KDM2A: variants seen among roughly 807,000 people sequenced by gnomAD.
The protein encoded by KDM2A is lysine-specific demethylase 2A.
In KDM2A, 3 loss-of-function variants were observed where a neutral mutation model predicts 137.3. That is an observed-to-expected ratio of 0.02 (90% CI 0.01 to 0.06). The LOEUF is 0.06. Ranked by LOEUF, KDM2A falls within the 10% of genes least tolerant of loss-of-function variation. The pLI is 1.00. For synonymous variants in KDM2A, 512 were observed against 541.5 expected, an observed-to-expected ratio of 0.95 and a Z score of 0.76; for missense variants, 738 against 1,510.6, an observed-to-expected ratio of 0.49 and a Z score of 8.48.
intron 2 of KDM2A, among the ~76,000 whole-genome samples, chr11:67,170,079 C>G (rs1856845936): frequency 6.6e-6 from 1 of 151,940 alleles, no homozygotes; most frequent in Non-Finnish European, 1.5e-5. Flanking sequence ...TTTTAGAGGT[C>G]TATAATAAAT....
chr11:67,232,419 C>A (rs879671416), intron 12 of KDM2A, among the ~76,000 whole-genome samples: 3 of 152,198 alleles, frequency 2.0e-5, no homozygotes, highest in Non-Finnish European at 2.9e-5. Flanking sequence ...AGCATCAAGA[C>A]TTAAATACAT....
At chr11:67,193,687 G>A (rs879633686) in intron 5 of KDM2A, among the ~76,000 whole-genome samples, 3 of 151,772 alleles carry the variant, frequency 2.0e-5, no homozygotes, top group Admixed American at 6.6e-5. Context: ...ATGGCAAAAC[G>A]CCGTATCTAC....
chr11:67,129,775 G>C (rs1855810979), intron 2 of KDM2A, among the ~76,000 whole-genome samples: 1 of 149,596 alleles, frequency 6.7e-6, no homozygotes, highest in Non-Finnish European at 1.5e-5. Context: ...GCCGGGCATA[G>C]TGGCACATGC....
At chr11:67,142,791 G>A (rs963354051) in intron 2 of KDM2A, among the ~76,000 whole-genome samples, 1 of 151,844 alleles carries the variant, frequency 6.6e-6, no homozygotes, top group Admixed American at 6.6e-5. Flanking sequence ...ATTCCTAGAA[G>A]TACAGTAATT....
chr11:67,183,775 G>T (rs556791944), intron 5 of KDM2A, among the ~76,000 whole-genome samples: 84 of 152,186 alleles, frequency 5.5e-4, no homozygotes, highest in Admixed American at 4.4e-3. Context: ...TCCATGCTGT[G>T]GTCACTGAGT....
chr11:67,199,367 A>C (rs569151794), intron 5 of KDM2A, among the ~76,000 whole-genome samples: 2 of 152,342 alleles, frequency 1.3e-5, no homozygotes, highest in East Asian at 3.9e-4. Context: ...TGATTAAGGC[A>C]TGTCAAAAGC....
chr11:67,215,067 A>C (rs540424351), intron 6 of KDM2A, among the ~76,000 whole-genome samples: 62 of 152,312 alleles, frequency 4.1e-4, no homozygotes, highest in African/African-American at 1.3e-3. Context: ...ATAGTTATAC[A>C]CTATTGCATA....
At chr11:67,193,651 G>C (rs541952424) in intron 5 of KDM2A, among the ~76,000 whole-genome samples, 6 of 151,892 alleles carry the variant, frequency 4.0e-5, no homozygotes, top group African/African-American at 1.2e-4. Flanking sequence ...ACCTGAGGTC[G>C]GGAGTTCGAG....
Position 67,245,434 on chromosome 11 carries a change from C to G in KDM2A, c.1809C>G (p.Ser603=). 1 of 1,613,728 alleles carries G rather than the reference C, an allele frequency of 6.2e-7. No individual in the cohort carries two copies. The highest frequency in any genetic ancestry group is 8.5e-7 in the Non-Finnish European group (1 of 1,179,880). The change falls in exon 14 of 21, where the codon TCC becomes TCG. Residue 603 remains serine (S), a synonymous_variant. Transcript: ENST00000529006. The surrounding 1 kb of genome is among the most constrained non-coding windows in gnomAD (Gnocchi z 4.1). Reference sequence around the variant, plus strand: ...GGGGGCCTGGACGCATGAAGCAGTCCTGTGTCCTCCGACAGTGCTTGGCAG... The same window carrying G: ...GGGGGCCTGGACGCATGAAGCAGTCGTGTGTCCTCCGACAGTGCTTGGCAG... The part of the protein sequence containing the change: ...KFGGPGRMKQ[S]CVLRQCLAPR...
At chr11:67,200,426 C>T (rs1857590267) in intron 5 of KDM2A, among the ~76,000 whole-genome samples, 1 of 152,134 alleles carries the variant, frequency 6.6e-6, no homozygotes, top group African/African-American at 2.4e-5. Context: ...ACCATGTTAG[C>T]CAGGATGATC....
At chr11:67,248,391 T>A (rs2136457208) in intron 16 of KDM2A, 21 bp downstream of exon 16, 2 of 1,547,762 alleles carry the variant, frequency 1.3e-6, no homozygotes, top group East Asian at 4.6e-5. Flanking sequence ...CTTATCAGAT[T>A]TGCACTGTGA....
chr11:67,146,577 A>G (rs1856253290), intron 2 of KDM2A, among the ~76,000 whole-genome samples: 1 of 151,546 alleles, frequency 6.6e-6, no homozygotes, highest in South Asian at 2.1e-4. Context: ...GGCATAATCT[A>G]GGTTCACTGC....
chr11:67,221,620 C>T (rs1858352852), intron 10 of KDM2A, among the ~76,000 whole-genome samples: 1 of 152,088 alleles, frequency 6.6e-6, no homozygotes, highest in Admixed American at 6.5e-5. Context: ...AGAGAGGAAG[C>T]CAGTGCTTCT....
chr11:67,136,401 T>A (rs1565372754), intron 2 of KDM2A, among the ~76,000 whole-genome samples: 1 of 152,220 alleles, frequency 6.6e-6, no homozygotes, highest in Non-Finnish European at 1.5e-5. Flanking sequence ...AATGTTTCAC[T>A]GATGAATTGA....
At chr11:67,226,432 C>G (rs1440362050) in intron 10 of KDM2A, among the ~76,000 whole-genome samples, 1 of 152,052 alleles carries the variant, frequency 6.6e-6, no homozygotes, top group Admixed American at 6.6e-5. Flanking sequence ...GAAAATCAAT[C>G]AGATTTCCAG....
chr11:67,253,695 G>T, intron 19 of KDM2A, 84 bp downstream of exon 19: 2 of 1,401,372 alleles, frequency 1.4e-6, no homozygotes, highest in South Asian at 1.2e-5. Context: ...AGCTAAGGTA[G>T]TCTCAGATAT....
intron 10 of KDM2A, among the ~76,000 whole-genome samples, chr11:67,225,245 G>C (rs1858503892): frequency 6.6e-6 from 1 of 152,190 alleles, no homozygotes; most frequent in African/African-American, 2.4e-5. Context: ...ATAGCATTCT[G>C]TTTTTAGTAG....
intron 2 of KDM2A, among the ~76,000 whole-genome samples, chr11:67,169,759 C>CTCTCTCTCTCT (rs756503460): frequency 0.28 from 18,540 of 65,536 alleles, 2,938 homozygotes; most frequent in South Asian, 0.37. Context: ...CTCTCTCTCT[C>CTCTCTCTCTCT]TTTTTTTTTT....
At chr11:67,144,421 T>A (rs150928217) in intron 2 of KDM2A, among the ~76,000 whole-genome samples, 1,798 of 151,338 alleles carry the variant, frequency 0.012, 21 homozygotes, top group Middle Eastern at 0.024. Context: ...CCTGGCTAAT[T>A]TTGTATTTTT....
Sources: gnomAD v4.1 joint callset for allele counts (sites outside exome capture counted in the v4.1 genomes callset) on GRCh38, gnomAD v4.1.1 for gene constraint, Gnocchi (gnomAD v3.1) non-coding constraint, MANE v1.5 for transcripts, NCBI Gene and HGNC (gene_info 2026-07-23, HGNC 2026-07-21) for gene names.